ANKS1B: variants seen among roughly 807,000 people sequenced by gnomAD.
ANKS1B encodes the protein ankyrin repeat and sterile alpha motif domain containing 1B, also known as ankyrin repeat and sterile alpha motif domain-containing protein 1B.
ANKS1B carries 36 observed loss-of-function variants against 148.3 expected under a neutral mutation model. The observed-to-expected ratio is 0.24, with a 90% CI of 0.19 to 0.32. ANKS1B has a LOEUF of 0.32. Among genes scored for constraint, ANKS1B ranks in the 10% least tolerant of loss-of-function variants. The pLI is 1.00. For missense variants in ANKS1B, 1,157 were observed against 1,542.6 expected (o/e 0.75, Z 4.19); for synonymous variants, 542 against 560.8 (o/e 0.97, Z 0.47).
intron 9 of ANKS1B, among the ~76,000 whole-genome samples, chr12:99,576,755 T>A (rs950364604): frequency 6.6e-6 from 1 of 151,970 alleles, no homozygotes; most frequent in Non-Finnish European, 1.5e-5. Flanking sequence ...GACAGGTTTT[T>A]CTTTTTTTCA....
chr12:99,144,829 C>T (rs2153806460), intron 15 of ANKS1B, among the ~76,000 whole-genome samples: 1 of 152,044 alleles, frequency 6.6e-6, no homozygotes, highest in East Asian at 1.9e-4. Flanking sequence ...AGAAGGTGAC[C>T]AAGGAGATAG....
intron 1 of ANKS1B, among the ~76,000 whole-genome samples, chr12:99,865,185 A>G (rs59363218): frequency 0.01 from 1,546 of 152,342 alleles, 26 homozygotes; most frequent in African/African-American, 0.035. Flanking sequence ...GAATGACAGT[A>G]CCCAACTGAA....
intron 1 of ANKS1B, among the ~76,000 whole-genome samples, chr12:99,862,071 C>T (rs554723757): frequency 6.6e-6 from 1 of 152,226 alleles, no homozygotes; most frequent in East Asian, 1.9e-4. Flanking sequence ...AGCTCTAGAA[C>T]TAATTTTACT....
At chr12:99,858,186 C>CAAG (rs1413209055) in intron 1 of ANKS1B, among the ~76,000 whole-genome samples, 1 of 151,840 alleles carries the variant, frequency 6.6e-6, no homozygotes, top group Non-Finnish European at 1.5e-5. Flanking sequence ...AGCAAATCAG[C>CAAG]AAGAAAAAAA....
chr12:99,771,121 G>A (rs921626238), intron 8 of ANKS1B, among the ~76,000 whole-genome samples: 1 of 152,030 alleles, frequency 6.6e-6, no homozygotes, highest in African/African-American at 2.4e-5. Context: ...TGGTCTCCAA[G>A]CAGCACATAC....
At chr12:99,594,353 T>C (rs1194144473) in intron 9 of ANKS1B, among the ~76,000 whole-genome samples, 1 of 152,074 alleles carries the variant, frequency 6.6e-6, no homozygotes, top group Non-Finnish European at 1.5e-5. Context: ...AATCCCACTT[T>C]TGAGTATTTA....
At chr12:99,376,518 G>A (rs1182974483) in intron 12 of ANKS1B, among the ~76,000 whole-genome samples, 1 of 152,178 alleles carries the variant, frequency 6.6e-6, no homozygotes, top group Non-Finnish European at 1.5e-5. Context: ...GCTGAGGAAA[G>A]GAATCCTGAT....
At chr12:99,162,640 A>G (rs2153831067) in intron 14 of ANKS1B, among the ~76,000 whole-genome samples, 1 of 152,278 alleles carries the variant, frequency 6.6e-6, no homozygotes, top group Non-Finnish European at 1.5e-5. Context: ...AATAACACAC[A>G]CACACACACA....
rs78178897 is a variant in ANKS1B at position 99,845,890 on chromosome 12, T to G, written c.135-20501A>C. The stretch of plus-strand genomic sequence containing the variant: ...GTGGCTATTTATTACTGCCTCAATT[T>G]CAGAACAATATTGGTCTCTTTAAGT... On this transcript the variant is annotated intron_variant, in intron 1 of 26. Transcript: ENST00000683438. 3.4e-3 allele frequency among the ~76,000 whole-genome samples: 518 copies of G among 152,254 alleles called. 3 individuals carry two copies. The highest frequency in any genetic ancestry group is 0.026 in the South Asian group (126 of 4,824).
intron 17 of ANKS1B, among the ~76,000 whole-genome samples, chr12:98,877,102 C>G (rs1027706559): frequency 8.5e-5 from 13 of 152,164 alleles, no homozygotes; most frequent in African/African-American, 3.1e-4. Flanking sequence ...CTGAGTGACT[C>G]ATAAAAACAT....
chr12:99,817,324 G>A (rs1433609827), intron 2 of ANKS1B, among the ~76,000 whole-genome samples: 3 of 151,464 alleles, frequency 2.0e-5, no homozygotes, highest in South Asian at 2.1e-4. Context: ...GTCCATCCAT[G>A]TTGCTGCAAG....
intron 8 of ANKS1B, among the ~76,000 whole-genome samples, chr12:99,721,362 C>G (rs959401449): frequency 6.6e-6 from 1 of 152,164 alleles, no homozygotes; most frequent in Non-Finnish European, 1.5e-5. Flanking sequence ...GCCATCATAT[C>G]CCCTGTGACC....
chr12:99,374,972 G>A (rs1181817955), intron 12 of ANKS1B, among the ~76,000 whole-genome samples: 1 of 152,168 alleles, frequency 6.6e-6, no homozygotes, highest in African/African-American at 2.4e-5. Context: ...CTGTTGTAAA[G>A]TAATAATGAC....
chr12:99,417,158 T>G (rs1354864927), intron 11 of ANKS1B, among the ~76,000 whole-genome samples: 1 of 152,246 alleles, frequency 6.6e-6, no homozygotes, highest in African/African-American at 2.4e-5. Context: ...TCCCAGAAAT[T>G]TTTTTCCTAT....
chr12:98,785,136 T>C (rs751673771), intron 22 of ANKS1B, among the ~76,000 whole-genome samples: 30 of 152,210 alleles, frequency 2.0e-4, no homozygotes, highest in Non-Finnish European at 3.8e-4. Flanking sequence ...AAAGAGGTCT[T>C]TTCATACATA....
At chr12:98,999,979 A>G (rs2099931935) in intron 17 of ANKS1B, among the ~76,000 whole-genome samples, 2 of 152,228 alleles carry the variant, frequency 1.3e-5, no homozygotes, top group Non-Finnish European at 2.9e-5. Flanking sequence ...CTAACTCTTT[A>G]GAAGCCAAGA....
At chr12:99,786,230 C>T (rs532239641) in intron 4 of ANKS1B, among the ~76,000 whole-genome samples, 7 of 152,184 alleles carry the variant, frequency 4.6e-5, no homozygotes, top group Middle Eastern at 3.4e-3. Flanking sequence ...TTCAGGATTG[C>T]GAGGGGAAAG....
At chr12:99,314,241 C>T (rs191515490) in intron 12 of ANKS1B, among the ~76,000 whole-genome samples, 2 of 152,262 alleles carry the variant, frequency 1.3e-5, no homozygotes, top group Admixed American at 1.3e-4. Flanking sequence ...AGGAGAACTA[C>T]ACACCACTGC....
chr12:99,826,979 T>A lies in ANKS1B; in HGVS notation c.135-1590A>T, dbSNP rs111858601. ...TAAAGAATAAAAAAAATTAGTCAGG[T>A]GCGGTGGTGCACACTTGTGGTCCCA... On this transcript the variant is annotated intron_variant, in intron 1 of 26. Transcript: ENST00000683438. Among the ~76,000 whole-genome samples the A allele has an allele frequency of 8.4e-3, 1,283 of 151,874 alleles. 6 individuals carry two copies. The highest frequency in any genetic ancestry group is 0.014 in the Non-Finnish European group (966 of 67,942).
Sources: allele counts gnomAD v4.1 joint callset (sites outside exome capture counted in the v4.1 genomes callset), GRCh38; gene constraint gnomAD v4.1.1; transcripts MANE v1.5; gene names NCBI Gene and HGNC (gene_info 2026-07-23, HGNC 2026-07-21).